SYNDIG1: variants seen among roughly 807,000 people sequenced by gnomAD.
The protein encoded by SYNDIG1 is synapse differentiation inducing 1.
In SYNDIG1, 9 loss-of-function variants were observed where a neutral mutation model predicts 19.4. The observed-to-expected ratio is 0.46, with a 90% CI of 0.28 to 0.81. SYNDIG1 has a LOEUF of 0.81. Ranked by LOEUF, SYNDIG1 falls within the 30% of genes least tolerant of loss-of-function variation. SYNDIG1 has a pLI of 0.12. For synonymous variants in SYNDIG1, 141 were observed against 145.9 expected (o/e 0.97, Z 0.24); for missense variants, 311 against 343.3 (o/e 0.91, Z 0.74).
At chr20:24,606,615 A>G (rs886623141) in intron 3 of SYNDIG1, among the ~76,000 whole-genome samples, 1 of 152,254 alleles carries the variant, frequency 6.6e-6, no homozygotes, top group Non-Finnish European at 1.5e-5. Flanking sequence ...GAATAGATTT[A>G]GGAAACTTAC....
At chr20:24,556,029 T>C (rs1600613657) in intron 2 of SYNDIG1, among the ~76,000 whole-genome samples, 1 of 152,224 alleles carries the variant, frequency 6.6e-6, no homozygotes, top group Admixed American at 6.5e-5. Flanking sequence ...TTAGCTCTTC[T>C]TGTTGAATTG....
intron 1 of SYNDIG1, among the ~76,000 whole-genome samples, chr20:24,524,561 G>T (rs1267097121): frequency 6.6e-6 from 1 of 151,980 alleles, no homozygotes; most frequent in Non-Finnish European, 1.5e-5. Context: ...CAGGAGAACG[G>T]CGTGAACCCG....
chr20:24,637,959 T>A (rs1471310849), intron 3 of SYNDIG1, among the ~76,000 whole-genome samples: 1 of 152,232 alleles, frequency 6.6e-6, no homozygotes. Context: ...CTGGAGGGGT[T>A]AAATGCCTTG....
chr20:24,620,211 AC>A (rs1175332137), intron 3 of SYNDIG1, among the ~76,000 whole-genome samples: 2 of 152,210 alleles, frequency 1.3e-5, no homozygotes, highest in African/African-American at 4.8e-5. Flanking sequence ...TATTGCTGCT[AC>A]CCATACATGG....
Position 24,658,542 on chromosome 20 carries a change from C to G in SYNDIG1, c.619-6804C>G, listed in dbSNP as rs998893522. ...GGGGCTTCCCCCTCCCACGGTCACCCCTGTGTCCTTCATCTTGCAGCCGTT... is the reference window on the plus strand; with the variant it reads ...GGGGCTTCCCCCTCCCACGGTCACCGCTGTGTCCTTCATCTTGCAGCCGTT... On this transcript the variant is annotated intron_variant, in intron 3 of 3. Coordinates refer to ENST00000376862, the MANE Select transcript of SYNDIG1 (RefSeq NM_024893.3). This position sits in a 1 kb window ranked among gnomAD's most constrained non-coding sequence, Gnocchi z 4.4. Among the ~76,000 whole-genome samples, 1 of 152,072 alleles carries G rather than the reference C, an allele frequency of 6.6e-6. No individual in the cohort carries two copies. Among genetic ancestry groups the G allele is most frequent in the Non-Finnish European group, 1.5e-5 (1 of 67,994 alleles).
chr20:24,572,349 T>G (rs1010276414), intron 2 of SYNDIG1, among the ~76,000 whole-genome samples: 4 of 152,188 alleles, frequency 2.6e-5, no homozygotes, highest in African/African-American at 9.7e-5. Context: ...CCAGGAGAGC[T>G]CAGAGAGACT....
At chr20:24,499,966 C>G (rs1403986259) in intron 1 of SYNDIG1, among the ~76,000 whole-genome samples, 1 of 152,166 alleles carries the variant, frequency 6.6e-6, no homozygotes, top group Admixed American at 6.5e-5. Context: ...GAAGTGCCAT[C>G]ACTGCTCACT....
rs2056162010 is a variant in SYNDIG1 at position 24,491,959 on chromosome 20, A to C, written c.-79+22206A>C. ...AAAAACCATAAAAAATACAAGAACA[A>C]GAAATGCTGAAGACAGGTGGAAAGA... On this transcript the variant is annotated intron_variant, in intron 1 of 3. Coordinates refer to ENST00000376862, the MANE Select transcript of SYNDIG1 (RefSeq NM_024893.3). Among the ~76,000 whole-genome samples the C allele has an allele frequency of 2.0e-5, 3 of 152,238 alleles. No homozygotes were observed. In the South Asian group the frequency reaches 6.2e-4, roughly 31 times the overall value.
At chr20:24,581,279 G>A (rs184058844) in intron 2 of SYNDIG1, among the ~76,000 whole-genome samples, 93 of 152,182 alleles carry the variant, frequency 6.1e-4, no homozygotes, top group African/African-American at 2.0e-3. Context: ...AAACATAAAC[G>A]ACAATGACAA....
chr20:24,587,524 G>A (rs1365697442), intron 3 of SYNDIG1, among the ~76,000 whole-genome samples: 2 of 152,268 alleles, frequency 1.3e-5, no homozygotes, highest in African/African-American at 4.8e-5. Flanking sequence ...CCGCAGATGC[G>A]TGGTCTCCAG....
intron 3 of SYNDIG1, among the ~76,000 whole-genome samples, chr20:24,642,741 A>G (rs1410919257): frequency 6.6e-6 from 1 of 151,764 alleles, no homozygotes; most frequent in East Asian, 1.9e-4. Context: ...GCACCGCAAG[A>G]TGCTGCTTCA....
chr20:24,614,205 T>C (rs1012236672), intron 3 of SYNDIG1, among the ~76,000 whole-genome samples: 1 of 152,140 alleles, frequency 6.6e-6, no homozygotes, highest in Non-Finnish European at 1.5e-5. Context: ...GGTCTCACTA[T>C]GTTGCTCAGG....
intron 1 of SYNDIG1, among the ~76,000 whole-genome samples, chr20:24,542,350 C>T (rs1273745389): frequency 6.6e-6 from 1 of 152,210 alleles, no homozygotes; most frequent in Non-Finnish European, 1.5e-5. Flanking sequence ...GACTCATCAG[C>T]TGGGATCGTG....
At chr20:24,555,490 C>T (rs940971138) in intron 2 of SYNDIG1, among the ~76,000 whole-genome samples, 40 of 152,004 alleles carry the variant, frequency 2.6e-4, no homozygotes, top group Admixed American at 1.1e-3. Context: ...GTCCCAGAGA[C>T]TCTGGTATGT....
Position 24,658,098 on chromosome 20 carries a change from C to T in SYNDIG1, c.619-7248C>T, listed in dbSNP as rs2059547013. On this transcript the variant is annotated intron_variant, in intron 3 of 3. Transcript: ENST00000376862. The surrounding 1 kb of genome is among the most constrained non-coding windows in gnomAD (Gnocchi z 4.4). ...CGACCTTGCCCCTAAAAACTGACTG[C>T]AGGAGAAACAATGCAGCCGGGGTAG... 6.6e-6 allele frequency among the ~76,000 whole-genome samples: 1 copy of T among 152,118 alleles called. No homozygotes were observed. Among genetic ancestry groups the T allele is most frequent in the South Asian group, 2.1e-4 (1 of 4,818 alleles).
intron 3 of SYNDIG1, among the ~76,000 whole-genome samples, chr20:24,657,651 C>CA (rs1322721499): frequency 6.6e-6 from 1 of 152,078 alleles, no homozygotes; most frequent in East Asian, 1.9e-4. Context: ...ATGCAGGCAA[C>CA]AAACGTGTGT....
chr20:24,646,312 G>A lies in SYNDIG1; in HGVS notation c.619-19034G>A, dbSNP rs576423295. On this transcript the variant is annotated intron_variant, in intron 3 of 3. Transcript: ENST00000376862. ...GGGCTAGGCGACTGCTATGGCTTAGGTGTTTGTCACCTCCAAACCTCATGT... is the reference window on the plus strand; with the variant it reads ...GGGCTAGGCGACTGCTATGGCTTAGATGTTTGTCACCTCCAAACCTCATGT... 4.6e-5 allele frequency among the ~76,000 whole-genome samples: 7 copies of A among 152,272 alleles called. No individual in the cohort carries two copies. In the South Asian group the frequency reaches 1.5e-3, roughly 32 times the overall value.
At chr20:24,524,912 G>T (rs1417323270) in intron 1 of SYNDIG1, among the ~76,000 whole-genome samples, 1 of 151,960 alleles carries the variant, frequency 6.6e-6, no homozygotes, top group African/African-American at 2.4e-5. Flanking sequence ...ACTAGCTTCT[G>T]CTCTTACCTT....
At chr20:24,517,708 G>GTGTA (rs1287667348) in intron 1 of SYNDIG1, among the ~76,000 whole-genome samples, 4 of 143,524 alleles carry the variant, frequency 2.8e-5, no homozygotes, top group African/African-American at 7.7e-5. Context: ...ATATATATGT[G>GTGTA]TATATATATG....
Sources: allele counts gnomAD v4.1 joint callset (sites outside exome capture counted in the v4.1 genomes callset), GRCh38; gene constraint gnomAD v4.1.1; non-coding constraint Gnocchi (gnomAD v3.1); transcripts MANE v1.5; gene names NCBI Gene and HGNC (gene_info 2026-07-23, HGNC 2026-07-21).